Variants in CLHC1 observed in about 807,000 individuals in gnomAD.
CLHC1 encodes the protein clathrin heavy chain linker domain containing 1.
CLHC1 carries 72 observed loss-of-function variants against 69.5 expected under a neutral mutation model. The observed-to-expected ratio is 1.04, with a 90% confidence interval of 0.86 to 1.26. CLHC1 has a LOEUF of 1.26. CLHC1 is among the 50% of genes most tolerant of loss of function. CLHC1 has a pLI of 0.00. For synonymous variants in CLHC1, 223 were observed against 224.3 expected (o/e 0.99, Z 0.05); for missense variants, 790 against 679.3 (o/e 1.16, Z -1.81).
intron 9 of CLHC1, among the ~76,000 whole-genome samples, chr2:55,189,212 T>G (rs1283649257): frequency 6.6e-6 from 1 of 152,006 alleles, no homozygotes; most frequent in Non-Finnish European, 1.5e-5. Context: ...GAGGGAATTC[T>G]TAAAAACTAC....
chr2:55,217,821 G>A lies in CLHC1; in HGVS notation c.355C>T (p.Leu119Phe). Residue 119 changes from leucine to phenylalanine, a missense_variant, in exon 4 of 13, where the codon CTT becomes TTT. By Grantham distance (22) the Leu-to-Phe change is conservative. Transcript: ENST00000401408. ...TACTAAAATACTTACTTTGCTTCAA[G>A]TTGGATTGTTCTTTTCCTGTAATAT... ...LVYYRKRTIQ[L>F]EAKMRIIESN... 3 of 1,533,694 alleles carry A rather than the reference G, an allele frequency of 2.0e-6. No homozygotes were observed. Among genetic ancestry groups the A allele is most frequent in the Non-Finnish European group, 2.6e-6 (3 of 1,144,312 alleles).
chr2:55,193,378 AT>A (rs1380372466), intron 9 of CLHC1, among the ~76,000 whole-genome samples: 2 of 152,174 alleles, frequency 1.3e-5, no homozygotes, highest in Admixed American at 1.3e-4. Flanking sequence ...TGGGAAAAAA[AT>A]ATTTGCAAAT....
intron 4 of CLHC1, among the ~76,000 whole-genome samples, chr2:55,216,811 C>A (rs1673559343): frequency 6.6e-6 from 1 of 152,116 alleles, no homozygotes; most frequent in African/African-American, 2.4e-5. Context: ...GTGTGAGCCA[C>A]CCTGTGCGGA....
At chr2:55,188,177 G>A (rs937913458) in intron 9 of CLHC1, among the ~76,000 whole-genome samples, 29 of 152,150 alleles carry the variant, frequency 1.9e-4, no homozygotes, top group African/African-American at 6.5e-4. Context: ...TTAGCCAGGC[G>A]TGGTGGCTCA....
At chr2:55,220,240 A>ATCCTTT (rs1308085803) in intron 3 of CLHC1, among the ~76,000 whole-genome samples, 1 of 152,206 alleles carries the variant, frequency 6.6e-6, no homozygotes, top group Non-Finnish European at 1.5e-5. Context: ...CTAGTTCCAA[A>ATCCTTT]TACCCAGAGA....
chr2:55,193,831 T>C (rs1035835832), intron 9 of CLHC1, among the ~76,000 whole-genome samples: 3 of 152,176 alleles, frequency 2.0e-5, no homozygotes, highest in African/African-American at 7.2e-5. Flanking sequence ...CAAATGTTCA[T>C]AGCAGCATTA....
chr2:55,180,458 C>A, intron 11 of CLHC1, 52 bp downstream of exon 11: 1 of 1,363,170 alleles, frequency 7.3e-7, no homozygotes, highest in East Asian at 2.3e-5. Context: ...GGTAATCTTA[C>A]AATTAAAGCC....
chr2:55,222,101 G>T, intron 3 of CLHC1, 134 bp downstream of exon 3: 1 of 644,910 alleles, frequency 1.6e-6, no homozygotes, highest in Non-Finnish European at 2.6e-6. Flanking sequence ...TGAGAAATTG[G>T]ATGAACTTCT....
chr2:55,207,754 C>G lies in CLHC1; in HGVS notation c.899+872G>C, dbSNP rs181598080. ...AGGAGGGAAAAGGAATTGAAGATAG[C>G]AGGAATGATACACAGTAGGATGTCA... is the stretch of plus-strand genomic sequence containing the variant. On this transcript the variant is annotated intron_variant, in intron 8 of 12. Transcript: ENST00000401408. Among the ~76,000 whole-genome samples the G allele has an allele frequency of 3.9e-5, 6 of 152,160 alleles. No homozygotes were observed. In the East Asian group the frequency reaches 1.2e-3, roughly 29 times the overall value.
intron 9 of CLHC1, chr2:55,205,754 G>C (rs1054997628): frequency 6.6e-6 from 1 of 152,454 alleles, no homozygotes; most frequent in East Asian, 1.9e-4. Flanking sequence ...ATTTAGATGG[G>C]TGTGGTGGCA....
chr2:55,226,510 C>T (rs542725450), intron 2 of CLHC1, among the ~76,000 whole-genome samples: 2 of 152,186 alleles, frequency 1.3e-5, no homozygotes, highest in Admixed American at 1.3e-4. Flanking sequence ...ATTTTTTTCA[C>T]TTAATATTAA....
intron 9 of CLHC1, among the ~76,000 whole-genome samples, chr2:55,190,410 C>A (rs568948719): frequency 1.3e-5 from 2 of 151,994 alleles, no homozygotes; most frequent in African/African-American, 4.8e-5. Context: ...GAAAATATTA[C>A]CCATACTGAG....
chr2:55,189,284 A>T (rs1040956309), intron 9 of CLHC1, among the ~76,000 whole-genome samples: 1 of 152,208 alleles, frequency 6.6e-6, no homozygotes, highest in Non-Finnish European at 1.5e-5. Flanking sequence ...GATGAAAATA[A>T]TTGAGAAAAA....
intron 7 of CLHC1, among the ~76,000 whole-genome samples, chr2:55,208,952 G>A (rs1411381387): frequency 2.1e-5 from 3 of 144,176 alleles, no homozygotes; most frequent in African/African-American, 7.7e-5. Flanking sequence ...CTCACTGCAA[G>A]CTCCGCCTCC....
intron 9 of CLHC1, among the ~76,000 whole-genome samples, chr2:55,193,023 T>G (rs1671077805): frequency 1.3e-5 from 2 of 150,240 alleles, no homozygotes; most frequent in South Asian, 4.2e-4. Context: ...CCCGAGTAGC[T>G]GGGATTCCAG....
intron 9 of CLHC1, among the ~76,000 whole-genome samples, chr2:55,201,711 G>C (rs1671961239): frequency 6.6e-6 from 1 of 151,910 alleles, no homozygotes; most frequent in African/African-American, 2.4e-5. Context: ...AGACACATCA[G>C]AAAAGAAAAC....
intron 4 of CLHC1, among the ~76,000 whole-genome samples, chr2:55,214,109 C>G (rs1211570671): frequency 6.6e-6 from 1 of 152,102 alleles, no homozygotes; most frequent in African/African-American, 2.4e-5. Flanking sequence ...ATGTGGAAGT[C>G]CAAAAGTCAG....
intron 9 of CLHC1, among the ~76,000 whole-genome samples, chr2:55,183,939 C>T (rs896629077): frequency 8.6e-5 from 13 of 152,006 alleles, no homozygotes; most frequent in African/African-American, 2.9e-4. Context: ...TGCTACCACG[C>T]CCGGCTAATT....
intron 9 of CLHC1, among the ~76,000 whole-genome samples, chr2:55,184,248 G>C (rs547599054): frequency 6.6e-6 from 1 of 152,010 alleles, no homozygotes; most frequent in Non-Finnish European, 1.5e-5. Context: ...TGGGACTATA[G>C]TAATGTGCCA....
Sources: gnomAD v4.1 joint callset for allele counts (sites outside exome capture counted in the v4.1 genomes callset) on GRCh38, gnomAD v4.1.1 for gene constraint, MANE v1.5 for transcripts, NCBI Gene and HGNC (gene_info 2026-07-23, HGNC 2026-07-21) for gene names.